TNK2: variants seen among roughly 807,000 people sequenced by gnomAD.
TNK2 encodes the protein activated CDC42 kinase 1.
A neutral mutation model predicts 101.8 loss-of-function variants in TNK2; 83 were observed. The observed-to-expected ratio is 0.82, with a 90% confidence interval of 0.68 to 0.98. The LOEUF is 0.98. Ranked by LOEUF, TNK2 falls within the 50% of genes least tolerant of loss-of-function variation. The probability of loss-of-function intolerance (pLI) is 0.00; values close to 1 mark genes in which losing one functional copy is unlikely to be tolerated. For synonymous variants in TNK2, 804 were observed against 633.0 expected (o/e 1.27, Z -4.06); for missense variants, 1,665 against 1,483.2 (o/e 1.12, Z -2.01).
intron 6 of TNK2, 193 bp from the exon 7 acceptor site, chr3:195,879,368 T>C: frequency 1.4e-6 from 1 of 718,550 alleles, no homozygotes; most frequent in Non-Finnish European, 2.2e-6. Context: ...GGAAATCGTC[T>C]AAGCCCAGGC....
intron 1 of TNK2, among the ~76,000 whole-genome samples, chr3:195,898,443 C>T (rs1288045812): frequency 1.3e-5 from 2 of 152,204 alleles, no homozygotes; most frequent in African/African-American, 2.4e-5. Context: ...CACCTGGCTG[C>T]CTGCTGTTAC....
chr3:195,890,464 T>G (rs2149713216), intron 1 of TNK2, among the ~76,000 whole-genome samples: 1 of 150,182 alleles, frequency 6.7e-6, no homozygotes, highest in South Asian at 2.1e-4. Context: ...GTTTTTTTTT[T>G]TTTTTTTTTT....
chr3:195,894,110 G>T (rs1386924209), intron 1 of TNK2, among the ~76,000 whole-genome samples: 2 of 152,198 alleles, frequency 1.3e-5, no homozygotes, highest in East Asian at 3.8e-4. Context: ...TTGGCTGACT[G>T]TGCCCTTGCA....
chr3:195,866,778 G>C (rs886895125), intron 15 of TNK2, 111 bp downstream of exon 15: 14 of 1,449,838 alleles, frequency 9.7e-6, no homozygotes, highest in Middle Eastern at 2.2e-4. Context: ...GGAGAGCTGT[G>C]TCTCCCTGGC....
At chr3:195,864,297 C>A in intron 15 of TNK2, 110 bp from the exon 16 acceptor site, 1 of 1,250,112 alleles carries the variant, frequency 8.0e-7, no homozygotes. Context: ...GCTGGCAGTC[C>A]CCGGCAAGGA....
Position 195,879,101 on chromosome 3 carries a change from C to G in TNK2, c.962G>C (p.Trp321Ser). The G allele has an allele frequency of 1.2e-5, 20 of 1,613,900 alleles. No individual in the cohort carries two copies. The highest frequency in any genetic ancestry group is 1.6e-5 in the Non-Finnish European group (19 of 1,179,992). Residue 321 changes from tryptophan (W) to serine (S), a missense_variant, in exon 7 of 16, where the codon TGG becomes TCG. Physicochemically the swap from Trp to Ser is radical, Grantham distance 177. Around this residue, in one of 3 missense-constraint regions of TNK2, gnomAD observed 490 missense variants for 522.5 expected, o/e 0.94. Coordinates refer to ENST00000672887, the MANE Select transcript of TNK2 (RefSeq NM_001382273.1). ...SDTWMFGVTL[W>S]EMFTYGQEPW... ...CTCCTGGCCGTAGGTGAACATTTCC[C>G]ACAGTGTCACCCCGAACATCCAGGT...
chr3:195,905,940 CT>C (rs1761665955), intron 1 of TNK2, among the ~76,000 whole-genome samples: 5 of 152,160 alleles, frequency 3.3e-5, no homozygotes, highest in Non-Finnish European at 7.3e-5. Flanking sequence ...TGATAAAAGG[CT>C]TATATCCAGA....
intron 15 of TNK2, 96 bp from the exon 16 acceptor site, chr3:195,864,283 G>A: frequency 7.0e-7 from 1 of 1,430,366 alleles, no homozygotes; most frequent in Non-Finnish European, 9.8e-7. Flanking sequence ...CAACACCACT[G>A]GAAGCTGGCA....
Position 195,869,366 on chromosome 3 carries a change from G to T in TNK2, c.1588+131C>A, listed in dbSNP as rs62283330. On this transcript the variant is annotated intron_variant, in intron 12 of 15. Transcript: ENST00000672887. ...GCAGGCATGCTAGGCCAGGGCAGCC[G>T]CGGAAGCTCACAGCACACACCCACC... The T allele has an allele frequency of 1.2e-5, 12 of 968,216 alleles. No homozygotes were observed. The East Asian group carries it at 1.8e-4, about 15-fold the overall frequency. The allele number at this position is 968,216 out of a possible 1,614,324, so 60.0% of individuals were successfully genotyped here. A position where few individuals can be genotyped will look rare whatever the true frequency, so the allele number is the denominator to read the frequency against.
At position 195,886,765 on chromosome 3, in the gene TNK2, G is replaced by A. The variant is rs1755782956; in HGVS notation, c.234+212C>T. Reference sequence around the variant, plus strand: ...GCCTCACCGCACACAGGCTGCTCACGTGTCCGTATCTGGCGGAGACAGACA... The same window carrying A: ...GCCTCACCGCACACAGGCTGCTCACATGTCCGTATCTGGCGGAGACAGACA... On this transcript the variant is annotated intron_variant, in intron 3 of 15. Transcript: ENST00000672887. The surrounding 1 kb of genome is among the most constrained non-coding windows in gnomAD (Gnocchi z 4.2). Among the ~76,000 whole-genome samples the A allele has an allele frequency of 6.6e-6, 1 of 152,164 alleles. No individual in the cohort carries two copies. The highest frequency in any genetic ancestry group is 2.1e-4 in the South Asian group (1 of 4,834).
rs1753731402 is a variant in TNK2 at position 195,882,690 on chromosome 3, T to G, written c.610-362A>C. Among the ~76,000 whole-genome samples, 1 of 152,040 alleles carries G rather than the reference T, an allele frequency of 6.6e-6. No individual in the cohort carries two copies. The highest frequency in any genetic ancestry group is 1.5e-5 in the Non-Finnish European group (1 of 67,996). The stretch of plus-strand genomic sequence containing the variant: ...CTGGCCAACATGGTGAAACCCCGTC[T>G]CTACTAAAAATACAAAAATTAGCCA... On this transcript the variant is annotated intron_variant, in intron 5 of 15. Transcript: ENST00000672887. The surrounding 1 kb of genome is among the most constrained non-coding windows in gnomAD (Gnocchi z 4.2).
At chr3:195,881,723 A>G (rs35325260) in intron 6 of TNK2, among the ~76,000 whole-genome samples, 2,486 of 127,190 alleles carry the variant, frequency 0.02, 30 homozygotes, top group Non-Finnish European at 0.03. Flanking sequence ...GAGAGGACAC[A>G]GGATCTATCC....
chr3:195,887,942 G>GCA, intron 2 of TNK2, among the ~76,000 whole-genome samples: 1 of 119,126 alleles, frequency 8.4e-6, no homozygotes, highest in African/African-American at 3.8e-5. Context: ...GTGCGCATGT[G>GCA]CGTGTGTGCC....
At chr3:195,895,606 C>T in intron 1 of TNK2, 1 of 1,300,412 alleles carries the variant, frequency 7.7e-7, no homozygotes, top group East Asian at 3.2e-5. Context: ...CTGTGCCAGC[C>T]CCGGGCTGAC....
chr3:195,866,363 GTTAA>G (rs948263161), intron 15 of TNK2, among the ~76,000 whole-genome samples: 9 of 152,094 alleles, frequency 5.9e-5, no homozygotes, highest in African/African-American at 2.2e-4. Flanking sequence ...ACCATACCCG[GTTAA>G]TTTTTGTATT....
chr3:195,903,446 G>C (rs1006898366), intron 1 of TNK2, among the ~76,000 whole-genome samples: 1 of 152,222 alleles, frequency 6.6e-6, no homozygotes, highest in Non-Finnish European at 1.5e-5. Flanking sequence ...GCTGGGCTTG[G>C]TGGCCCACCC....
chr3:195,889,622 C>T (rs536517120), intron 1 of TNK2, among the ~76,000 whole-genome samples: 46 of 152,236 alleles, frequency 3.0e-4, no homozygotes, highest in Non-Finnish European at 3.5e-4. Context: ...ATCTGAAAAG[C>T]ATGCACACGC....
At chr3:195,895,331 G>T in intron 1 of TNK2, 5 of 1,570,836 alleles carry the variant, frequency 3.2e-6, no homozygotes, top group Non-Finnish European at 4.3e-6. Context: ...TGCGGTCAGG[G>T]AGAGAAGCAG....
chr3:195,905,183 A>G (rs147391024), intron 1 of TNK2, among the ~76,000 whole-genome samples: 4 of 152,298 alleles, frequency 2.6e-5, no homozygotes, highest in Admixed American at 2.6e-4. Context: ...AGAATTAGAC[A>G]CACACAAACA....
Sources: gnomAD v4.1 joint callset for allele counts (sites outside exome capture counted in the v4.1 genomes callset) on GRCh38, gnomAD v4.1.1 for gene constraint, gnomAD v4.1.1 regional missense constraint, Gnocchi (gnomAD v3.1) non-coding constraint, MANE v1.5 for transcripts, NCBI Gene and HGNC (gene_info 2026-07-23, HGNC 2026-07-21) for gene names.